Variants in UNC13C observed in about 807,000 individuals in gnomAD.
UNC13C encodes the protein unc-13 homolog C.
A neutral mutation model predicts 245.4 loss-of-function variants in UNC13C; 174 were observed. The observed-to-expected ratio is 0.71, with a 90% CI of 0.63 to 0.80. UNC13C has a LOEUF of 0.80. Ranked by LOEUF, UNC13C falls within the 30% of genes least tolerant of loss-of-function variation. The pLI is 0.00. For synonymous variants in UNC13C, 992 were observed against 895.1 expected (o/e 1.11, Z -1.93); for missense variants, 2,829 against 2,602.9 (o/e 1.09, Z -1.89).
chr15:54,609,180 G>A (rs973773820), intron 30 of UNC13C, among the ~76,000 whole-genome samples: 3 of 152,146 alleles, frequency 2.0e-5, no homozygotes, highest in African/African-American at 7.2e-5. Context: ...GCTTTTTACT[G>A]CTGCTGCTTG....
chr15:54,620,324 A>G (rs1596693811), intron 30 of UNC13C, among the ~76,000 whole-genome samples: 1 of 152,150 alleles, frequency 6.6e-6, no homozygotes, highest in East Asian at 1.9e-4. Flanking sequence ...TGAGAAAGGA[A>G]AAACTTACAT....
chr15:54,558,935 T>G (rs1004474618), intron 29 of UNC13C, among the ~76,000 whole-genome samples: 2 of 152,006 alleles, frequency 1.3e-5, no homozygotes, highest in African/African-American at 2.4e-5. Flanking sequence ...AGGACTGACA[T>G]GAGATTCCCC....
intron 17 of UNC13C, among the ~76,000 whole-genome samples, chr15:54,390,676 A>G (rs2039935452): frequency 6.6e-6 from 1 of 152,076 alleles, no homozygotes. Context: ...GTCAATATGA[A>G]TATACTTATT....
intron 2 of UNC13C, among the ~76,000 whole-genome samples, chr15:54,021,077 TTG>T (rs1242695544): frequency 2.0e-5 from 3 of 152,334 alleles, no homozygotes; most frequent in Middle Eastern, 3.4e-3. Context: ...ACAATAACAA[TTG>T]TGTATATTTA....
intron 30 of UNC13C, among the ~76,000 whole-genome samples, chr15:54,589,694 GA>G (rs1400395503): frequency 5.4e-5 from 7 of 130,610 alleles, no homozygotes; most frequent in African/African-American, 3.2e-4. Context: ...GTTTGTTGTA[GA>G]TTCTGGATAT....
At chr15:54,451,989 A>C (rs1466336447) in intron 19 of UNC13C, among the ~76,000 whole-genome samples, 1 of 152,228 alleles carries the variant, frequency 6.6e-6, no homozygotes, top group Non-Finnish European at 1.5e-5. Flanking sequence ...TTCTCAGTGC[A>C]TGCAGTAGTG....
intron 30 of UNC13C, among the ~76,000 whole-genome samples, chr15:54,616,292 A>C (rs1490763026): frequency 2.6e-5 from 4 of 152,076 alleles, no homozygotes; most frequent in African/African-American, 9.7e-5. Context: ...GTATGTCTAC[A>C]TAATTCCTGT....
chr15:54,481,838 A>G (rs1036906934), intron 19 of UNC13C, among the ~76,000 whole-genome samples: 11 of 152,090 alleles, frequency 7.2e-5, no homozygotes, highest in African/African-American at 2.7e-4. Flanking sequence ...GGATGGACCA[A>G]TCCCCAGGCC....
At chr15:54,106,665 T>C (rs1000739095) in intron 2 of UNC13C, among the ~76,000 whole-genome samples, 1 of 152,206 alleles carries the variant, frequency 6.6e-6, no homozygotes, top group African/African-American at 2.4e-5. Context: ...CCCCACCAAA[T>C]TTATTTCTCC....
intron 19 of UNC13C, among the ~76,000 whole-genome samples, chr15:54,463,875 C>A (rs548559257): frequency 6.6e-6 from 1 of 152,104 alleles, no homozygotes; most frequent in African/African-American, 2.4e-5. Context: ...GAGGGTAAGA[C>A]CATGGGAGGG....
chr15:54,300,079 C>A, intron 12 of UNC13C, 131 bp from the exon 13 acceptor site: 1 of 773,626 alleles, frequency 1.3e-6, no homozygotes. Flanking sequence ...CAAGATATTC[C>A]TATTGCTTGC....
At chr15:54,172,693 T>TACAC (rs199552567) in intron 4 of UNC13C, among the ~76,000 whole-genome samples, 18,362 of 88,206 alleles carry the variant, frequency 0.21, 2,447 homozygotes, top group Middle Eastern at 0.3. Flanking sequence ...CAAAGTCAAA[T>TACAC]ACACACACAG....
chr15:54,166,918 G>A (rs138189974), intron 4 of UNC13C, among the ~76,000 whole-genome samples: 11 of 152,184 alleles, frequency 7.2e-5, no homozygotes, highest in East Asian at 3.9e-4. Flanking sequence ...CCATCTAATC[G>A]TTGGATTCAG....
intron 30 of UNC13C, among the ~76,000 whole-genome samples, chr15:54,592,914 T>G (rs959582596): frequency 2.0e-5 from 3 of 151,934 alleles, no homozygotes; most frequent in Non-Finnish European, 2.9e-5. Flanking sequence ...TTGTGTAATT[T>G]ATGCTTTAAA....
intron 18 of UNC13C, among the ~76,000 whole-genome samples, chr15:54,413,696 T>G (rs181350099): frequency 6.6e-6 from 1 of 152,312 alleles, no homozygotes; most frequent in African/African-American, 2.4e-5. Flanking sequence ...CACACTCTAA[T>G]TTTGATGAAA....
chr15:54,079,689 T>C (rs2141115216), intron 2 of UNC13C, among the ~76,000 whole-genome samples: 1 of 152,212 alleles, frequency 6.6e-6, no homozygotes, highest in South Asian at 2.1e-4. Context: ...AAGTTCTTTA[T>C]CAGGTCTAGG....
At chr15:54,257,370 T>C (rs889887514) in intron 8 of UNC13C, among the ~76,000 whole-genome samples, 3 of 152,242 alleles carry the variant, frequency 2.0e-5, no homozygotes, top group African/African-American at 7.2e-5. Flanking sequence ...TGAGATGTAG[T>C]ACCTTTAACA....
intron 24 of UNC13C, among the ~76,000 whole-genome samples, chr15:54,520,555 G>A (rs1895171720): frequency 1.3e-5 from 2 of 152,042 alleles, no homozygotes; most frequent in African/African-American, 4.8e-5. Flanking sequence ...AATTGCTCAA[G>A]GGGAGTACAG....
chr15:54,215,340 T>G (rs1053626626), intron 4 of UNC13C, among the ~76,000 whole-genome samples: 1 of 151,934 alleles, frequency 6.6e-6, no homozygotes, highest in African/African-American at 2.4e-5. Context: ...CTGAAAAATA[T>G]TTTTCATTAC....
Sources: allele counts gnomAD v4.1 joint callset (sites outside exome capture counted in the v4.1 genomes callset), GRCh38; gene constraint gnomAD v4.1.1; transcripts MANE v1.5; gene names NCBI Gene and HGNC (gene_info 2026-07-23, HGNC 2026-07-21).